Variants in ANKS6 observed in about 807,000 individuals in gnomAD.
ANKS6 encodes ankyrin repeat and sterile alpha motif domain containing 6.
ANKS6 carries 47 observed loss-of-function variants against 77.9 expected under a neutral mutation model. The observed-to-expected ratio is 0.60, with a 90% CI of 0.48 to 0.77. The LOEUF is 0.77. ANKS6 is among the 30% of genes least tolerant of loss of function. The pLI, the probability that ANKS6 is intolerant of heterozygous loss-of-function variation, is 0.00. For synonymous variants in ANKS6, 488 were observed against 501.7 expected, an observed-to-expected ratio of 0.97 and a Z score of 0.37; for missense variants, 1,150 against 1,159.1, an observed-to-expected ratio of 0.99 and a Z score of 0.11.
chr9:98,770,868 C>T (rs560256909), intron 10 of ANKS6, 28 bp downstream of exon 10: 13 of 1,411,770 alleles, frequency 9.2e-6, no homozygotes, highest in African/African-American at 1.5e-5. Flanking sequence ...CACCCCACCT[C>T]CCTGAGTGGC....
At position 98,790,372 on chromosome 9, in the gene ANKS6, G is replaced by A; in HGVS notation, c.594C>T (p.Ala198=). Residue 198 remains alanine, a synonymous_variant, in exon 2 of 15, where the codon GCC becomes GCT. Coordinates refer to ENST00000353234, the MANE Select transcript of ANKS6 (RefSeq NM_173551.5). ...EPLDITALMA[A]IQHGHEAVVR... is the part of the protein sequence containing the mutation. ...CCACGGCCTCGTGCCCGTGCTGGAT[G>A]GCAGCCATCAGGGCTGTGATGTCCA... 1.2e-6 allele frequency: 2 copies of A among 1,613,618 alleles called. No individual in the cohort carries two copies. Among genetic ancestry groups the A allele is most frequent in the South Asian group, 2.2e-5 (2 of 91,088 alleles).
At position 98,784,249 on chromosome 9, in the gene ANKS6, C is replaced by T. The variant is rs1394234096; in HGVS notation, c.908-92G>A. 5 of 1,220,134 alleles carry T rather than the reference C, an allele frequency of 4.1e-6. 1 individual carries two copies. The South Asian group carries it at 5.0e-5, about 12-fold the overall frequency. The allele number at this position is 1,220,134 out of a possible 1,614,324, so 75.6% of individuals were successfully genotyped here. A position where few individuals can be genotyped will look rare whatever the true frequency, so the allele number is the denominator to read the frequency against. ...TTCATGTAACAAACACTTGCTGGCC[C>T]TGCTCTGCCTCTGCAGTGGGCTGCT... On this transcript the variant is annotated intron_variant, in intron 3 of 14. Transcript: ENST00000353234.
At chr9:98,740,233 G>A (rs1236136193) in intron 14 of ANKS6, among the ~76,000 whole-genome samples, 1 of 152,092 alleles carries the variant, frequency 6.6e-6, no homozygotes, top group Non-Finnish European at 1.5e-5. Context: ...CTCTTGTGCT[G>A]ATGAGGCCTC....
At chr9:98,784,773 G>T in intron 3 of ANKS6, 59 bp downstream of exon 3, 1 of 1,473,284 alleles carries the variant, frequency 6.8e-7, no homozygotes, top group African/African-American at 1.4e-5. Context: ...CAAATATTAG[G>T]TTGGGAGAAT....
chr9:98,771,111 C>T, intron 9 of ANKS6, 65 bp from the exon 10 acceptor site: 1 of 1,417,256 alleles, frequency 7.1e-7, no homozygotes, highest in South Asian at 1.7e-5. Context: ...TGCAGGATCA[C>T]AGTGTGGGGG....
intron 7 of ANKS6, among the ~76,000 whole-genome samples, chr9:98,777,866 C>T (rs1023437086): frequency 6.6e-6 from 1 of 152,212 alleles, no homozygotes; most frequent in African/African-American, 2.4e-5. Flanking sequence ...TACTCACACC[C>T]TCCCAGTAAC....
intron 14 of ANKS6, 125 bp downstream of exon 14, chr9:98,745,434 G>C (rs1165197543): frequency 1.7e-5 from 15 of 879,662 alleles, no homozygotes; most frequent in Non-Finnish European, 2.8e-5. Context: ...AAAAGGCCAT[G>C]CTGGGAGGTA....
chr9:98,785,395 A>T (rs889637232), intron 2 of ANKS6, among the ~76,000 whole-genome samples: 2 of 152,228 alleles, frequency 1.3e-5, no homozygotes, highest in African/African-American at 2.4e-5. Context: ...GTAAGAAGCA[A>T]TCAGAACATG....
At chr9:98,749,303 G>C (rs1203719270) in intron 13 of ANKS6, among the ~76,000 whole-genome samples, 1 of 152,162 alleles carries the variant, frequency 6.6e-6, no homozygotes, top group Non-Finnish European at 1.5e-5. Flanking sequence ...CCCTCCCCAT[G>C]GCACTGCCTC....
intron 2 of ANKS6, among the ~76,000 whole-genome samples, chr9:98,785,518 C>T (rs1834515620): frequency 6.6e-6 from 1 of 152,236 alleles, no homozygotes; most frequent in Non-Finnish European, 1.5e-5. Flanking sequence ...CCCATGCCTA[C>T]CTGCACAGCT....
Position 98,736,035 on chromosome 9 carries a change from C to T in ANKS6, c.*484G>A. On this transcript the variant is annotated 3_prime_UTR_variant, in exon 15 of 15. Coordinates refer to ENST00000353234, the MANE Select transcript of ANKS6 (RefSeq NM_173551.5). Reference sequence around the variant, plus strand: ...TAAGTCAAAAGTTGTTGCTGGGAAGCCACTATGTGGAGACTGCACATCCTG... The same window carrying T: ...TAAGTCAAAAGTTGTTGCTGGGAAGTCACTATGTGGAGACTGCACATCCTG... 8.4e-7 allele frequency: 1 copy of T among 1,196,982 alleles called. No individual in the cohort carries two copies. Among genetic ancestry groups the T allele is most frequent in the South Asian group, 4.3e-5 (1 of 23,500 alleles). The allele number at this position is 1,196,982 out of a possible 1,614,324, so 74.1% of individuals were successfully genotyped here. A position where few individuals can be genotyped will look rare whatever the true frequency, so the allele number is the denominator to read the frequency against.
intron 1 of ANKS6, chr9:98,795,886 A>G (rs183919331): frequency 6.6e-5 from 24 of 363,528 alleles, no homozygotes; most frequent in South Asian, 4.3e-4. Context: ...AGTCTCTACA[A>G]TTCTATTCGC....
At chr9:98,744,631 C>G (rs1435116268) in intron 14 of ANKS6, among the ~76,000 whole-genome samples, 1 of 152,114 alleles carries the variant, frequency 6.6e-6, no homozygotes, top group Admixed American at 6.5e-5. Flanking sequence ...CAGCAACATA[C>G]AGAAACAACC....
intron 13 of ANKS6, among the ~76,000 whole-genome samples, chr9:98,749,037 G>A (rs1451024984): frequency 6.6e-6 from 1 of 152,160 alleles, no homozygotes; most frequent in Non-Finnish European, 1.5e-5. Flanking sequence ...GGGTCTGGTG[G>A]CAATCAGCAG....
intron 9 of ANKS6, among the ~76,000 whole-genome samples, chr9:98,771,784 G>GTA (rs941047997): frequency 6.6e-6 from 1 of 152,102 alleles, no homozygotes; most frequent in African/African-American, 2.4e-5. Flanking sequence ...TGCCTAAGCG[G>GTA]TATAATATGG....
chr9:98,770,803 G>T, intron 10 of ANKS6, 93 bp downstream of exon 10: 1 of 1,235,118 alleles, frequency 8.1e-7, no homozygotes, highest in Admixed American at 4.0e-5. Context: ...GGTCATTTCT[G>T]CGACTGTCTG....
chr9:98,733,418 G>C lies in ANKS6; in HGVS notation c.*3101C>G, dbSNP rs1831312069. On this transcript the variant is annotated 3_prime_UTR_variant, in exon 15 of 15. Coordinates refer to ENST00000353234, the MANE Select transcript of ANKS6 (RefSeq NM_173551.5). ...GTGGAGCCTCAGCTCAATGCCCTCA[G>C]GCTGGAGAGCTCTCAGAACAGGGAC... The C allele has an allele frequency of 1.0e-6, 1 of 985,318 alleles. No individual in the cohort carries two copies. The allele number at this position is 985,318 out of a possible 1,614,324, so 61.0% of individuals were successfully genotyped here.
intron 8 of ANKS6, among the ~76,000 whole-genome samples, chr9:98,777,182 G>A (rs1833960154): frequency 6.6e-6 from 1 of 152,172 alleles, no homozygotes; most frequent in South Asian, 2.1e-4. Flanking sequence ...GGCCAGGGCT[G>A]ACACCCAGCG....
intron 10 of ANKS6, among the ~76,000 whole-genome samples, chr9:98,770,198 T>C (rs1833544182): frequency 6.6e-6 from 1 of 151,810 alleles, no homozygotes; most frequent in African/African-American, 2.4e-5. Context: ...TAATGAGGAG[T>C]TTCCCTGCAC....
Sources: allele counts gnomAD v4.1 joint callset (sites outside exome capture counted in the v4.1 genomes callset), GRCh38; gene constraint gnomAD v4.1.1; transcripts MANE v1.5; gene names NCBI Gene and HGNC (gene_info 2026-07-23, HGNC 2026-07-21).